KCNAB1: variants seen among roughly 807,000 people sequenced by gnomAD.
KCNAB1 encodes the protein voltage-gated potassium channel subunit beta-1.
KCNAB1 carries 35 observed loss-of-function variants against 64.6 expected under a neutral mutation model. The observed-to-expected ratio is 0.54, with a 90% CI of 0.41 to 0.72. The LOEUF (loss-of-function observed/expected upper bound fraction) is 0.72. KCNAB1 is among the 30% of genes least tolerant of loss of function. The probability of loss-of-function intolerance (pLI) is 0.00; values close to 1 mark genes in which losing one functional copy is unlikely to be tolerated. For synonymous variants in KCNAB1, 177 were observed against 183.8 expected, an observed-to-expected ratio of 0.96 and a Z score of 0.30; for missense variants, 401 against 512.9, an observed-to-expected ratio of 0.78 and a Z score of 2.11.
chr3:156,425,229 T>G (rs994284088), intron 2 of KCNAB1, among the ~76,000 whole-genome samples: 1 of 152,214 alleles, frequency 6.6e-6, no homozygotes, highest in African/African-American at 2.4e-5. Flanking sequence ...CTACAGATTC[T>G]TTTCTTGAAA....
chr3:156,527,985 C>T (rs771772604), intron 12 of KCNAB1, among the ~76,000 whole-genome samples: 9 of 152,264 alleles, frequency 5.9e-5, no homozygotes, highest in Middle Eastern at 3.4e-3. Flanking sequence ...GCAGTTGCTA[C>T]CATGGAAGTA....
chr3:156,378,152 G>C (rs1015067233), intron 1 of KCNAB1, among the ~76,000 whole-genome samples: 1 of 152,146 alleles, frequency 6.6e-6, no homozygotes, highest in Non-Finnish European at 1.5e-5. Context: ...ACAGACCTGG[G>C]TAGAGAAGTA....
At chr3:156,457,021 A>G (rs763287779) in intron 3 of KCNAB1, 2 of 170,352 alleles carry the variant, frequency 1.2e-5, no homozygotes, top group Non-Finnish European at 2.4e-5. Flanking sequence ...CTCAGCCTCA[A>G]GGAAAAAGTC....
At chr3:156,385,774 C>T (rs933316401) in intron 1 of KCNAB1, among the ~76,000 whole-genome samples, 4 of 152,124 alleles carry the variant, frequency 2.6e-5, no homozygotes, top group Non-Finnish European at 5.9e-5. Flanking sequence ...GCAGTGATTT[C>T]CCTGTGATTA....
At chr3:156,430,993 G>A (rs962297016) in intron 2 of KCNAB1, among the ~76,000 whole-genome samples, 2 of 152,244 alleles carry the variant, frequency 1.3e-5, no homozygotes, top group East Asian at 1.9e-4. Flanking sequence ...ACTTATGAAC[G>A]CTCCACAGAC....
rs193095748 is a variant in KCNAB1 at position 156,159,071 on chromosome 3, G to T, written c.275+38185G>T. Among the ~76,000 whole-genome samples the T allele has an allele frequency of 1.5e-4, 23 of 150,882 alleles. No individual in the cohort carries two copies. The East Asian group carries it at 4.5e-3, about 29-fold the overall frequency. ...ATGGCGAGGCAACCTACATATGTCCGCCCCCCCCTGTAATAATTGAGTCTG... is the reference window on the plus strand; with the variant it reads ...ATGGCGAGGCAACCTACATATGTCCTCCCCCCCCTGTAATAATTGAGTCTG... On this transcript the variant is annotated intron_variant, in intron 1 of 13. Coordinates refer to ENST00000490337, the MANE Select transcript of KCNAB1 (RefSeq NM_172160.3).
At chr3:156,292,288 C>A (rs184603463) in intron 1 of KCNAB1, among the ~76,000 whole-genome samples, 2 of 151,980 alleles carry the variant, frequency 1.3e-5, no homozygotes, top group African/African-American at 4.8e-5. Flanking sequence ...ATGAATAAAC[C>A]CAGGGTGGTT....
intron 1 of KCNAB1, among the ~76,000 whole-genome samples, chr3:156,222,193 A>T (rs1442052275): frequency 6.6e-6 from 1 of 152,158 alleles, no homozygotes; most frequent in Non-Finnish European, 1.5e-5. Flanking sequence ...CACCTAACAT[A>T]TGAGGACTCA....
rs1712006868 is a variant in KCNAB1 at position 156,451,561 on chromosome 3, ACTGT to A, written c.320-1334_320-1331del. Among the ~76,000 whole-genome samples the A allele has an allele frequency of 2.0e-5, 3 of 147,510 alleles. No homozygotes were observed. In the South Asian group the frequency reaches 6.3e-4, roughly 31 times the overall value. ...AGTGATCTGGTAAGCTTCTTAGTAT[ACTGT>A]CTGGCATTTGGAAAGTGTTCTTCCA... is the stretch of plus-strand genomic sequence containing the variant. On this transcript the variant is annotated intron_variant, in intron 2 of 13. Coordinates refer to ENST00000490337, the MANE Select transcript of KCNAB1 (RefSeq NM_172160.3).
chr3:156,328,115 G>A (rs1723095272), intron 1 of KCNAB1, among the ~76,000 whole-genome samples: 1 of 152,102 alleles, frequency 6.6e-6, no homozygotes, highest in South Asian at 2.1e-4. Context: ...AGAACAACAT[G>A]GACAAAGAAA....
chr3:156,526,595 C>T (rs532367790), intron 12 of KCNAB1, among the ~76,000 whole-genome samples: 43 of 152,302 alleles, frequency 2.8e-4, no homozygotes, highest in Admixed American at 3.9e-4. Flanking sequence ...AAAGGCTACA[C>T]ACTGGGCAGA....
intron 1 of KCNAB1, among the ~76,000 whole-genome samples, chr3:156,265,107 A>G (rs571845190): frequency 6.6e-6 from 1 of 152,312 alleles, no homozygotes; most frequent in South Asian, 2.1e-4. Context: ...GAGCCATTCT[A>G]GTCCTGGACC....
intron 1 of KCNAB1, among the ~76,000 whole-genome samples, chr3:156,356,606 A>G (rs920641668): frequency 3.3e-5 from 5 of 152,178 alleles, no homozygotes; most frequent in Admixed American, 3.3e-4. Flanking sequence ...AAATTAAGCA[A>G]CTTTTGAAGC....
chr3:156,214,463 TTG>T (rs1715195662), intron 1 of KCNAB1, among the ~76,000 whole-genome samples: 1 of 152,026 alleles, frequency 6.6e-6, no homozygotes, highest in Non-Finnish European at 1.5e-5. Flanking sequence ...ATTAGAATTG[TTG>T]TGTGAGTAGA....
At chr3:156,203,690 G>C (rs2108382356) in intron 1 of KCNAB1, among the ~76,000 whole-genome samples, 1 of 152,248 alleles carries the variant, frequency 6.6e-6, no homozygotes, top group East Asian at 1.9e-4. Context: ...TTTGTTTTCT[G>C]CAGTACCCAA....
intron 1 of KCNAB1, among the ~76,000 whole-genome samples, chr3:156,298,381 T>G (rs908511748): frequency 3.9e-5 from 6 of 152,244 alleles, no homozygotes; most frequent in African/African-American, 1.4e-4. Context: ...GTTTGGTTGT[T>G]ACACATGGAG....
At chr3:156,322,408 T>C (rs909797242) in intron 1 of KCNAB1, among the ~76,000 whole-genome samples, 1 of 152,206 alleles carries the variant, frequency 6.6e-6, no homozygotes, top group African/African-American at 2.4e-5. Context: ...AAAAGAACAG[T>C]TGGATCTGTA....
chr3:156,215,696 G>A (rs376783140), intron 1 of KCNAB1: 1 of 152,226 alleles, frequency 6.6e-6, no homozygotes, highest in Non-Finnish European at 1.5e-5. Context: ...AATGCACAGC[G>A]TGTTCAGGGA....
At chr3:156,500,654 T>TA (rs1267808403) in intron 8 of KCNAB1, among the ~76,000 whole-genome samples, 4 of 152,196 alleles carry the variant, frequency 2.6e-5, no homozygotes, top group Non-Finnish European at 5.9e-5. Flanking sequence ...TTCTGATATA[T>TA]AAAAAAGTCT....
Sources: gnomAD v4.1 joint callset for allele counts (sites outside exome capture counted in the v4.1 genomes callset) on GRCh38, gnomAD v4.1.1 for gene constraint, MANE v1.5 for transcripts, NCBI Gene and HGNC (gene_info 2026-07-23, HGNC 2026-07-21) for gene names.